PIEZO1: variants seen among roughly 807,000 people sequenced by gnomAD.
The protein encoded by PIEZO1 is piezo type mechanosensitive ion channel component 1 (Er blood group).
In PIEZO1, 296 loss-of-function variants were observed where a neutral mutation model predicts 297.2. The ratio of observed to expected loss-of-function variants is 1.00; its 90% CI spans 0.91 to 1.10. The LOEUF is 1.10. Among genes scored for constraint, PIEZO1 ranks in the 50% least tolerant of loss-of-function variants. The probability of loss-of-function intolerance (pLI) is 0.00; values close to 1 mark genes in which losing one functional copy is unlikely to be tolerated. For synonymous variants in PIEZO1, 2,427 were observed against 1,507.5 expected, an observed-to-expected ratio of 1.61 and a Z score of -14.13; for missense variants, 5,018 against 3,455.5, an observed-to-expected ratio of 1.45 and a Z score of -11.34.
chr16:88,726,439 G>A lies in PIEZO1; in HGVS notation c.3813C>T (p.Asp1271=), dbSNP rs116683709. 2.5e-4 allele frequency: 389 copies of A among 1,550,180 alleles called. No individual in the cohort carries two copies. In the African/African-American group the frequency reaches 4.8e-3, roughly 19 times the overall value. ...KGYYDPKEMM[D]RDQDCLLPVE... is the part of the protein sequence containing the mutation. ...CAGGCAGCAGGCAGTCCTGGTCTCT[G>A]TCCATCATCTCCTTGGCTGCAAGGC... The change falls in exon 27 of 51, where the codon GAC becomes GAT. Residue 1271 remains aspartate (D), a synonymous_variant. Coordinates refer to ENST00000301015, the MANE Select transcript of PIEZO1 (RefSeq NM_001142864.4).
At chr16:88,766,747 C>G (rs899726687) in intron 1 of PIEZO1, among the ~76,000 whole-genome samples, 2 of 152,246 alleles carry the variant, frequency 1.3e-5, no homozygotes, top group African/African-American at 4.8e-5. Flanking sequence ...ACTAGGTGGG[C>G]AGGGCACTGC....
chr16:88,784,809 C>A, intron 1 of PIEZO1, 92 bp downstream of exon 1: 1 of 961,980 alleles, frequency 1.0e-6, no homozygotes, highest in Non-Finnish European at 1.4e-6. Context: ...GCCCGCAGCC[C>A]TCGCCCCGGC....
intron 9 of PIEZO1, 25 bp downstream of exon 9, chr16:88,737,703 C>T (rs1376991588): frequency 2.6e-6 from 4 of 1,534,026 alleles, no homozygotes; most frequent in Non-Finnish European, 3.5e-6. Context: ...CCCACGCTGG[C>T]GTCTCCACCT....
chr16:88,778,969 G>A (rs922590876), intron 1 of PIEZO1, among the ~76,000 whole-genome samples: 8 of 152,050 alleles, frequency 5.3e-5, no homozygotes, highest in East Asian at 3.9e-4. Context: ...GAGGCTTCCC[G>A]CTGGGAACAG....
At position 88,716,377 on chromosome 16, in the gene PIEZO1, T is replaced by C; in HGVS notation, c.7033A>G (p.Thr2345Ala). Residue 2345 changes from threonine (T) to alanine (A), a missense_variant, in exon 48 of 51, where the codon ACC becomes GCC. Coordinates refer to ENST00000301015, the MANE Select transcript of PIEZO1 (RefSeq NM_001142864.4). ...TTCACTCACACAGACTGGTCCGAGG[T>C]GCCCTCGAGCAGGCTGGCCAGCTGC... ...RRQLASLLEGTSDQSVVIPNL... is the reference protein window; with the variant it reads ...RRQLASLLEGASDQSVVIPNL... 6.5e-7 allele frequency: 1 copy of C among 1,543,944 alleles called. No homozygotes were observed. The highest frequency in any genetic ancestry group is 1.2e-5 in the South Asian group (1 of 83,258).
rs1911923812 is a variant in PIEZO1, at chr16:88,715,486, G to A, written c.*119C>T. On this transcript the variant is annotated 3_prime_UTR_variant, in exon 51 of 51. Coordinates refer to ENST00000301015, the MANE Select transcript of PIEZO1 (RefSeq NM_001142864.4). Reference sequence around the variant, plus strand: ...CAGGGCTCAGGCAGGCCGGGAGGATGCATCACAGCTGGCGGCCTTGGACGG... The same window carrying A: ...CAGGGCTCAGGCAGGCCGGGAGGATACATCACAGCTGGCGGCCTTGGACGG... The A allele has an allele frequency of 1.8e-6, 2 of 1,088,660 alleles. No individual in the cohort carries two copies. The highest frequency in any genetic ancestry group is 2.6e-5 in the East Asian group (1 of 38,722). The allele number at this position is 1,088,660 out of a possible 1,614,324, so 67.4% of individuals were successfully genotyped here. A position where few individuals can be genotyped will look rare whatever the true frequency, so the allele number is the denominator to read the frequency against.
At chr16:88,719,764 C>T in intron 43 of PIEZO1, 38 bp downstream of exon 43, 1 of 1,550,290 alleles carries the variant, frequency 6.5e-7, no homozygotes, top group Non-Finnish European at 8.7e-7. Context: ...TCCCTCATGC[C>T]CGGGCCGTGA....
At chr16:88,746,915 G>A (rs750125) in intron 2 of PIEZO1, among the ~76,000 whole-genome samples, 2,497 of 152,358 alleles carry the variant, frequency 0.016, 55 homozygotes, top group African/African-American at 0.056. Flanking sequence ...GCAAAGGGGA[G>A]GCCCAGGATA....
At position 88,764,014 on chromosome 16, in the gene PIEZO1, G is replaced by A. The variant is rs1256368276; in HGVS notation, c.65-14535C>T. On this transcript the variant is annotated intron_variant, in intron 1 of 50. Transcript: ENST00000301015. Reference sequence around the variant, plus strand: ...GTTTCAGGAGCCCACAGCCTCCTGGGGGCCAAAGTGCACGATGAGCCACAG... The same window carrying A: ...GTTTCAGGAGCCCACAGCCTCCTGGAGGCCAAAGTGCACGATGAGCCACAG... 3.9e-5 allele frequency among the ~76,000 whole-genome samples: 6 copies of A among 152,126 alleles called. No homozygotes were observed. In the East Asian group the frequency reaches 1.2e-3, roughly 29 times the overall value.
At chr16:88,743,253 G>T (rs750275815) in intron 2 of PIEZO1, 6 of 456,440 alleles carry the variant, frequency 1.3e-5, no homozygotes, top group Middle Eastern at 3.2e-4. Flanking sequence ...CTCTGCTCTC[G>T]GCGCACATGT....
chr16:88,768,207 GGCCTGGCACACT>G (rs1374721979), intron 1 of PIEZO1, among the ~76,000 whole-genome samples: 3 of 152,190 alleles, frequency 2.0e-5, no homozygotes, highest in African/African-American at 7.2e-5. Context: ...CCTCTTGTGC[GGCCTGGCACACT>G]GCCTGGGCCT....
Position 88,784,922 on chromosome 16 carries a change from GC to G in PIEZO1, c.42del (p.Leu15CysfsTer91). On this transcript the variant is annotated frameshift_variant, in exon 1 of 51. Transcript: ENST00000301015. LOFTEE classifies it high-confidence loss of function. ...HVLGAVLYWL[L>X]LPCALLAACL... ...TCACCAGCCAGCAGCGCGCAGGGCA[GC>G]AGCAGCCAGTACAGGACCGCGCCGA... The G allele has an allele frequency of 7.0e-7, 1 of 1,436,662 alleles. No homozygotes were observed. Among genetic ancestry groups the G allele is most frequent in the Non-Finnish European group, 9.1e-7 (1 of 1,093,022 alleles). 89.0% of individuals were successfully genotyped at this position (1,436,662 alleles called of 1,614,324 possible).
chr16:88,764,433 T>C (rs1480798642), intron 1 of PIEZO1, among the ~76,000 whole-genome samples: 1 of 152,060 alleles, frequency 6.6e-6, no homozygotes, highest in Non-Finnish European at 1.5e-5. Context: ...ATGAACGTGC[T>C]CTCCAGGCAG....
chr16:88,717,918 C>G (rs182050661), intron 44 of PIEZO1: 2 of 387,484 alleles, frequency 5.2e-6, no homozygotes, highest in African/African-American at 2.1e-5. Flanking sequence ...ACGAACCTGG[C>G]CAAAAATACA....
At chr16:88,736,898 C>G in intron 10 of PIEZO1, 159 bp from the exon 11 acceptor site, 1 of 525,758 alleles carries the variant, frequency 1.9e-6, no homozygotes, top group South Asian at 2.3e-5. Flanking sequence ...ATTGGGCTGA[C>G]ACCGTCCCTG....
chr16:88,749,533 C>A, intron 1 of PIEZO1, 54 bp from the exon 2 acceptor site: 1 of 1,337,342 alleles, frequency 7.5e-7, no homozygotes, highest in Non-Finnish European at 1.0e-6. Flanking sequence ...CCAGCCCCAC[C>A]CCAGAGGACA....
intron 1 of PIEZO1, among the ~76,000 whole-genome samples, chr16:88,768,849 G>A (rs943307957): frequency 5.1e-4 from 77 of 152,234 alleles, no homozygotes; most frequent in African/African-American, 1.7e-3. Context: ...GGCCCAGTCC[G>A]GGGCACAGCA....
rs959560447 is a variant in PIEZO1 at position 88,785,121 on chromosome 16, C to T, written c.-157G>A. ...TCTCCTTCGGCCGCCCCGCCGGTGC[C>T]GACGTCCCGGGCCCGCGCTCGCTCA... On this transcript the variant is annotated 5_prime_UTR_variant, in exon 1 of 51. Transcript: ENST00000301015. 44 of 379,566 alleles carry T rather than the reference C, an allele frequency of 1.2e-4. No homozygotes were observed. The highest frequency in any genetic ancestry group is 8.5e-4 in the African/African-American group (40 of 47,038). The allele number at this position is 379,566 out of a possible 1,614,324, so 23.5% of individuals were successfully genotyped here.
intron 44 of PIEZO1, 26 bp from the exon 45 acceptor site, chr16:88,717,237 C>A (rs374146636): frequency 6.5e-7 from 1 of 1,538,430 alleles, no homozygotes; most frequent in Non-Finnish European, 8.8e-7. Context: ...ACAGGTCATA[C>A]GCTCAGCTCT....
Sources: gnomAD v4.1 joint callset for allele counts (sites outside exome capture counted in the v4.1 genomes callset) on GRCh38, gnomAD v4.1.1 for gene constraint, MANE v1.5 for transcripts, NCBI Gene and HGNC (gene_info 2026-07-23, HGNC 2026-07-21) for gene names.